The following CFAP299 variants were observed in gnomAD, a reference collection of about 807,000 sequenced individuals.
CFAP299 encodes cilia- and flagella-associated protein 299.
A neutral mutation model predicts 27.0 loss-of-function variants in CFAP299; 21 were observed. The ratio of observed to expected loss-of-function variants is 0.78; its 90% CI spans 0.55 to 1.12. The LOEUF (loss-of-function observed/expected upper bound fraction) is 1.12. Ranked by LOEUF, CFAP299 falls within the 50% of genes most tolerant of loss-of-function variation. The pLI is 0.00. For synonymous variants in CFAP299, 104 were observed against 98.1 expected (o/e 1.06, Z -0.36); for missense variants, 310 against 276.6 (o/e 1.12, Z -0.86).
intron 1 of CFAP299, 36 bp downstream of exon 1, chr4:80,335,915 G>A: frequency 4.5e-6 from 6 of 1,320,160 alleles, no homozygotes; most frequent in Non-Finnish European, 5.5e-6. Flanking sequence ...CCGCCGCCGC[G>A]CGTCCCTCGG....
At chr4:80,708,799 A>T (rs921183891) in intron 3 of CFAP299, among the ~76,000 whole-genome samples, 3 of 152,066 alleles carry the variant, frequency 2.0e-5, no homozygotes, top group East Asian at 1.9e-4. Context: ...GATGCATTAT[A>T]AAAAAATGCT....
intron 3 of CFAP299, among the ~76,000 whole-genome samples, chr4:80,817,972 A>AT (rs1729511076): frequency 6.6e-6 from 1 of 151,652 alleles, no homozygotes; most frequent in Admixed American, 6.6e-5. Flanking sequence ...TCCACTAGCT[A>AT]TTTTTCCTGC....
At chr4:80,594,339 A>T (rs1020659711) in intron 3 of CFAP299, among the ~76,000 whole-genome samples, 13 of 152,098 alleles carry the variant, frequency 8.5e-5, no homozygotes, top group Non-Finnish European at 1.5e-4. Context: ...GAACTCACTC[A>T]CTATTATGAG....
chr4:80,637,237 T>C (rs1292837944), intron 3 of CFAP299, among the ~76,000 whole-genome samples: 2 of 152,164 alleles, frequency 1.3e-5, no homozygotes, highest in Non-Finnish European at 2.9e-5. Flanking sequence ...TCCCCTAAAT[T>C]GTATGCCAAC....
intron 3 of CFAP299, among the ~76,000 whole-genome samples, chr4:80,708,531 G>A (rs1721951247): frequency 6.6e-6 from 1 of 151,998 alleles, no homozygotes. Context: ...GCTCTTGGTT[G>A]GCATTTTTCT....
chr4:80,649,349 T>C (rs926564760), intron 3 of CFAP299: 1 of 152,170 alleles, frequency 6.6e-6, no homozygotes, highest in African/African-American at 2.4e-5. Context: ...TTCTGCCTAT[T>C]GAGAAGCTTC....
chr4:80,744,663 A>G (rs539347585), intron 3 of CFAP299, among the ~76,000 whole-genome samples: 4 of 152,162 alleles, frequency 2.6e-5, no homozygotes, highest in Non-Finnish European at 5.9e-5. Context: ...ATTATTTAGG[A>G]ATCATTTAAA....
rs1312616287 is a variant in CFAP299, at chr4:80,386,515, G to GT, written c.242+23631_242+23632insT. 3 of 1,430,668 alleles carry GT rather than the reference G, an allele frequency of 2.1e-6. No individual in the cohort carries two copies. The African/African-American group carries it at 6.3e-5, about 30-fold the overall frequency. 88.6% of individuals were successfully genotyped at this position (1,430,668 alleles called of 1,614,324 possible). On this transcript the variant is annotated intron_variant, in intron 2 of 5. Coordinates refer to ENST00000358105, the MANE Select transcript of CFAP299 (RefSeq NM_152770.3). ...GCCCTCTTCTCGCGGGCGGTGGTGG[G>GT]GGGGGGGGGTGCCGCCGGGTTTGCA...
At chr4:80,821,022 C>T (rs1729676105) in intron 3 of CFAP299, among the ~76,000 whole-genome samples, 1 of 152,058 alleles carries the variant, frequency 6.6e-6, no homozygotes. Context: ...GAACTGGGTC[C>T]AGAATATTAT....
chr4:80,715,632 TAGAAATAAAAAA>T (rs745368012), intron 3 of CFAP299, among the ~76,000 whole-genome samples: 2 of 152,090 alleles, frequency 1.3e-5, no homozygotes, highest in Non-Finnish European at 2.9e-5. Flanking sequence ...ATATGCTTTT[TAGAAATAAAAAA>T]TTATTTTCAA....
At chr4:80,414,898 C>T (rs898856507) in intron 2 of CFAP299, among the ~76,000 whole-genome samples, 1 of 152,194 alleles carries the variant, frequency 6.6e-6, no homozygotes, top group Admixed American at 6.5e-5. Flanking sequence ...GATTCATACA[C>T]GTTTGTGTTA....
chr4:80,791,839 G>GAT (rs563750669), intron 3 of CFAP299, among the ~76,000 whole-genome samples: 1,907 of 149,454 alleles, frequency 0.013, 33 homozygotes, highest in African/African-American at 0.039. Context: ...CATATTGACA[G>GAT]ATATATATAT....
At chr4:80,844,721 G>C (rs1303784320) in intron 3 of CFAP299, among the ~76,000 whole-genome samples, 1 of 152,060 alleles carries the variant, frequency 6.6e-6, no homozygotes, top group Non-Finnish European at 1.5e-5. Context: ...TCACTCTGAT[G>C]GTAGTTTCTT....
chr4:80,480,010 T>C (rs572427205), intron 2 of CFAP299, among the ~76,000 whole-genome samples: 2 of 152,126 alleles, frequency 1.3e-5, no homozygotes, highest in East Asian at 3.9e-4. Context: ...AATAGTTATA[T>C]GCAGCTGTAG....
chr4:80,426,441 G>T (rs1727532216), intron 2 of CFAP299, among the ~76,000 whole-genome samples: 1 of 152,066 alleles, frequency 6.6e-6, no homozygotes, highest in Non-Finnish European at 1.5e-5. Context: ...TCATCCTCAA[G>T]AAAAAAGTAA....
intron 2 of CFAP299, among the ~76,000 whole-genome samples, chr4:80,474,133 GTTT>G (rs1403037990): frequency 1.3e-5 from 2 of 152,062 alleles, no homozygotes; most frequent in East Asian, 3.8e-4. Flanking sequence ...TAAGAAAAAT[GTTT>G]TTATTTGGAC....
chr4:80,758,843 G>T (rs1725398600), intron 3 of CFAP299, among the ~76,000 whole-genome samples: 2 of 152,112 alleles, frequency 1.3e-5, no homozygotes. Flanking sequence ...TGACCATAAA[G>T]CAGAGGTAAA....
At chr4:80,916,591 G>C (rs1735779269) in intron 4 of CFAP299, among the ~76,000 whole-genome samples, 1 of 151,828 alleles carries the variant, frequency 6.6e-6, no homozygotes, top group Admixed American at 6.6e-5. Context: ...TGGCTGATAG[G>C]AAACTTGAAC....
intron 2 of CFAP299, among the ~76,000 whole-genome samples, chr4:80,558,022 A>G (rs944903574): frequency 2.0e-5 from 3 of 148,036 alleles, no homozygotes; most frequent in African/African-American, 7.5e-5. Context: ...AAAGCCTCAC[A>G]TTTTTTATTA....
Sources: gnomAD v4.1 joint callset for allele counts (sites outside exome capture counted in the v4.1 genomes callset) on GRCh38, gnomAD v4.1.1 for gene constraint, MANE v1.5 for transcripts, NCBI Gene and HGNC (gene_info 2026-07-23, HGNC 2026-07-21) for gene names.